The following APOL3 variants were observed in gnomAD, a reference collection of about 807,000 sequenced individuals.
APOL3 encodes the protein TNF-inducible protein CG12-1.
APOL3 carries 14 observed loss-of-function variants against 11.6 expected under a neutral mutation model. The observed-to-expected ratio is 1.21, with a 90% CI of 0.80 to 1.89. The LOEUF is 1.89. Among genes scored for constraint, APOL3 ranks in the 40% most tolerant of loss-of-function variants. APOL3 has a pLI of 0.00. For synonymous variants in APOL3, 192 were observed against 190.6 expected (o/e 1.01, Z -0.06); for missense variants, 483 against 492.1 (o/e 0.98, Z 0.17).
chr22:36,145,075 C>CTTTAA (rs2060143133), intron 2 of APOL3, among the ~76,000 whole-genome samples: 1 of 151,602 alleles, frequency 6.6e-6, no homozygotes, highest in Non-Finnish European at 1.5e-5. Flanking sequence ...GGTCTCTCCC[C>CTTTAA]AGCAATCTTT....
chr22:36,145,442 C>G (rs373967437), intron 2 of APOL3, 31 bp downstream of exon 3: 2 of 1,610,022 alleles, frequency 1.2e-6, no homozygotes, highest in African/African-American at 2.7e-5. Context: ...ATAGCCGGGG[C>G]GCCCCATGGA....
At chr22:36,143,070 G>A (rs182584464) in intron 2 of APOL3, among the ~76,000 whole-genome samples, 214 of 152,318 alleles carry the variant, frequency 1.4e-3, no homozygotes, top group African/African-American at 5.0e-3. Context: ...TCACCCTGGT[G>A]TTGGCTGTGA....
At chr22:36,140,651 T>A (rs532269475) in exon 3 of APOL3, 2 of 154,972 alleles carry the variant, frequency 1.3e-5, no homozygotes, top group East Asian at 3.8e-4. Flanking sequence ...TCCACCGCCA[T>A]CATCAAGAAG....
exon 3 of APOL3, chr22:36,140,809 T>C (rs978426862): frequency 1.1e-5 from 2 of 178,184 alleles, no homozygotes; most frequent in Non-Finnish European, 2.4e-5. Flanking sequence ...CTGTTTCTTC[T>C]GCTGTATCCA....
intron 1 of APOL3, chr22:36,154,466 G>A: frequency 5.2e-6 from 2 of 385,856 alleles, no homozygotes; most frequent in South Asian, 2.1e-5. Context: ...AACAGAGAAT[G>A]TTTAATTGTT....
intron 1 of APOL3, chr22:36,149,682 G>T: frequency 2.7e-6 from 1 of 367,634 alleles, no homozygotes; most frequent in South Asian, 2.1e-5. Flanking sequence ...CACAATAGGG[G>T]TAGAGCCAGG....
At chr22:36,147,416 A>G (rs2060260110) in intron 1 of APOL3, among the ~76,000 whole-genome samples, 1 of 152,092 alleles carries the variant, frequency 6.6e-6, no homozygotes, top group South Asian at 2.1e-4. Flanking sequence ...GCGTTATTAA[A>G]CCACAGATCA....
At position 36,160,810 on chromosome 22, in the gene APOL3, T is replaced by G. The variant is rs774803738; in HGVS notation, c.82A>C (p.Thr28Pro). Residue 28 changes from threonine to proline, a missense_variant, in exon 1 of 3, where the codon ACT becomes CCT. Physicochemically the swap from Thr to Pro is conservative, Grantham distance 38 (BLOSUM62 -1). Transcript: ENST00000349314. ...ATACCCTGGAACCCAAAAGGGAAAG[T>G]GAAAGTCACAACTTGGCAGCAGCTC... 6.8e-6 allele frequency: 11 copies of G among 1,613,390 alleles called. No individual in the cohort carries two copies. The highest frequency in any genetic ancestry group is 9.3e-6 in the Non-Finnish European group (11 of 1,179,492).
intron 1 of APOL3, chr22:36,155,806 A>G: frequency 6.4e-6 from 1 of 156,718 alleles, no homozygotes; most frequent in Non-Finnish European, 1.4e-5. Flanking sequence ...TGTCTGGGGC[A>G]TCCGCTGAGG....
At chr22:36,160,875 C>T in exon 1 of APOL3, 1 of 1,613,492 alleles carries the variant, frequency 6.2e-7, no homozygotes, top group Non-Finnish European at 8.5e-7. Context: ...CCAGCCCCAC[C>T]CTTGGCCCAG....
intron 1 of APOL3, 140 bp downstream of exon 2, chr22:36,148,906 C>T: frequency 5.0e-6 from 4 of 806,530 alleles, no homozygotes; most frequent in Non-Finnish European, 7.7e-6. Flanking sequence ...CTCCATGTGG[C>T]CTCTTTTGGG....
chr22:36,145,724 G>C, intron 1 of APOL3, 125 bp from the exon 3 acceptor site: 1 of 1,201,582 alleles, frequency 8.3e-7, no homozygotes, highest in Non-Finnish European at 1.2e-6. Context: ...TTTGATGGAG[G>C]CATCAGTGCT....
At chr22:36,163,742 G>T (rs991053509), upstream of APOL3, among the ~76,000 whole-genome samples, 1 of 152,240 alleles carries the variant, frequency 6.6e-6, no homozygotes, top group African/African-American at 2.4e-5. Flanking sequence ...GGGATGTCGA[G>T]ACTACCTTGA....
chr22:36,143,196 G>T (rs1442914916), intron 2 of APOL3, among the ~76,000 whole-genome samples: 2 of 152,144 alleles, frequency 1.3e-5, no homozygotes, highest in Non-Finnish European at 2.9e-5. Flanking sequence ...TCCTTAACTG[G>T]GTGAGCTTCT....
At chr22:36,141,831 GAGCTGGACACCACATTGGAGATGGTGC>G (rs774743071) in exon 3 of APOL3, 2 of 1,614,222 alleles carry the variant, frequency 1.2e-6, no homozygotes, top group Admixed American at 3.3e-5. Flanking sequence ...AGCGCCAGTG[GAGCTGGACACCACATTGGAGATGGTGC>G]AGCCTCTGTG....
chr22:36,154,563 TGAAG>T (rs1389964965), intron 1 of APOL3: 17 of 468,732 alleles, frequency 3.6e-5, no homozygotes, highest in Admixed American at 3.1e-4. Flanking sequence ...GTGTTGAGAA[TGAAG>T]GAAGAGCTGC....
upstream of APOL3, chr22:36,160,983 C>T: frequency 5.0e-6 from 6 of 1,191,248 alleles, no homozygotes; most frequent in South Asian, 5.4e-5. Flanking sequence ...GCCTCCCATA[C>T]TTAGGGTTGG....
chr22:36,161,388 T>A (rs1041217168), upstream of APOL3: 6 of 179,440 alleles, frequency 3.3e-5, no homozygotes, highest in African/African-American at 7.1e-5. Context: ...GAAATCTTAC[T>A]ATTTTTACCA....
chr22:36,153,194 A>G (rs2012093856), intron 1 of APOL3: 1 of 199,962 alleles, frequency 5.0e-6, no homozygotes, highest in South Asian at 7.6e-5. Flanking sequence ...TCTTTATTAA[A>G]TGATTTGTCT....
Sources: gnomAD v4.1 joint callset for allele counts (sites outside exome capture counted in the v4.1 genomes callset) on GRCh38, gnomAD v4.1.1 for gene constraint, MANE v1.5 for transcripts, NCBI Gene and HGNC (gene_info 2026-07-23, HGNC 2026-07-21) for gene names.